Variants in CEP128 observed in about 807,000 individuals in gnomAD.
CEP128 encodes the protein centrosomal protein 128.
CEP128 carries 132 observed loss-of-function variants against 156.7 expected under a neutral mutation model. The observed-to-expected ratio is 0.84, with a 90% CI of 0.73 to 0.97. The LOEUF (loss-of-function observed/expected upper bound fraction) is 0.97. Ranked by LOEUF, CEP128 falls within the 50% of genes least tolerant of loss-of-function variation. The probability of loss-of-function intolerance (pLI) is 0.00; values close to 1 mark genes in which losing one functional copy is unlikely to be tolerated. For missense variants in CEP128, 1,252 were observed against 1,281.9 expected (o/e 0.98, Z 0.36); for synonymous variants, 469 against 448.9 (o/e 1.04, Z -0.57).
chr14:80,631,708 A>G (rs1473742539), intron 19 of CEP128, among the ~76,000 whole-genome samples: 1 of 152,112 alleles, frequency 6.6e-6, no homozygotes, highest in Non-Finnish European at 1.5e-5. Context: ...TTCATGTAAT[A>G]CAATTCAATT....
intron 2 of CEP128, among the ~76,000 whole-genome samples, chr14:80,937,292 G>C (rs542405686): frequency 6.6e-6 from 1 of 152,328 alleles, no homozygotes; most frequent in East Asian, 1.9e-4. Context: ...CTGCACTTCA[G>C]CCTGGGTGAC....
chr14:80,547,197 G>A (rs1044328788), intron 21 of CEP128, among the ~76,000 whole-genome samples: 3 of 152,148 alleles, frequency 2.0e-5, no homozygotes, highest in African/African-American at 7.2e-5. Flanking sequence ...CTAGATCAAA[G>A]TTGTTGTATG....
chr14:80,640,323 A>G (rs1355482545), intron 19 of CEP128, among the ~76,000 whole-genome samples: 1 of 152,202 alleles, frequency 6.6e-6, no homozygotes, highest in African/African-American at 2.4e-5. Flanking sequence ...AAAGTTCATG[A>G]TCTATTAATA....
intron 9 of CEP128, among the ~76,000 whole-genome samples, chr14:80,856,682 T>C (rs1019366608): frequency 2.7e-5 from 4 of 149,388 alleles, no homozygotes; most frequent in Admixed American, 2.0e-4. Context: ...TGTGTGCGTG[T>C]GTGTGTGTGT....
intron 20 of CEP128, among the ~76,000 whole-genome samples, chr14:80,571,985 TA>T (rs763826692): frequency 1.3e-5 from 2 of 152,204 alleles, no homozygotes; most frequent in African/African-American, 2.4e-5. Flanking sequence ...TTGCGAGTAA[TA>T]ATTTACATAG....
intron 2 of CEP128, among the ~76,000 whole-genome samples, chr14:80,922,003 T>A (rs1018038159): frequency 1.3e-5 from 2 of 150,704 alleles, no homozygotes; most frequent in Non-Finnish European, 2.9e-5. Flanking sequence ...TTTTCTACAA[T>A]GATTTGCATT....
chr14:80,623,767 CAGA>C (rs1893591867), intron 19 of CEP128, among the ~76,000 whole-genome samples: 1 of 151,670 alleles, frequency 6.6e-6, no homozygotes, highest in South Asian at 2.1e-4. Context: ...CATTTCCTTC[CAGA>C]AGTAGATTTT....
At chr14:80,916,189 A>G (rs12896436) in intron 3 of CEP128, among the ~76,000 whole-genome samples, 21,038 of 152,216 alleles carry the variant, frequency 0.14, 1,800 homozygotes, top group Admixed American at 0.21. Context: ...GAGCCTCCAG[A>G]GAGGAACACA....
Position 80,836,060 on chromosome 14 carries a change from A to C in CEP128, c.1057+145T>G, listed in dbSNP as rs1353422144. Reference sequence around the variant, plus strand: ...GATGATGCTGAATTATTATCAACTTATCAGAAAATGTTTAATAGATCAAGA... The same window carrying C: ...GATGATGCTGAATTATTATCAACTTCTCAGAAAATGTTTAATAGATCAAGA... On this transcript the variant is annotated intron_variant, in intron 12 of 24. Coordinates refer to ENST00000555265, the MANE Select transcript of CEP128 (RefSeq NM_152446.5). 3 of 792,254 alleles carry C rather than the reference A, an allele frequency of 3.8e-6. No individual in the cohort carries two copies. In the African/African-American group the frequency reaches 5.3e-5, roughly 14 times the overall value. 49.1% of individuals were successfully genotyped at this position (792,254 alleles called of 1,614,324 possible).
chr14:80,943,797 C>A (rs1886259767), upstream of CEP128, among the ~76,000 whole-genome samples: 1 of 151,966 alleles, frequency 6.6e-6, no homozygotes, highest in South Asian at 2.1e-4. Context: ...AGTTCGAGAC[C>A]AGCCTGGCCA....
intron 14 of CEP128, among the ~76,000 whole-genome samples, chr14:80,481,515 A>G (rs1460640541): frequency 6.6e-6 from 1 of 152,230 alleles, no homozygotes; most frequent in Non-Finnish European, 1.5e-5. Flanking sequence ...GGTCTCTCTT[A>G]GCATTAGCTT....
chr14:80,840,390 C>A (rs1886293546), intron 10 of CEP128, among the ~76,000 whole-genome samples: 1 of 152,006 alleles, frequency 6.6e-6, no homozygotes, highest in African/African-American at 2.4e-5. Context: ...TCTTTTCTAA[C>A]CCTGCAACAA....
chr14:80,482,759 G>T (rs1469820853), intron 14 of CEP128, among the ~76,000 whole-genome samples: 1 of 152,172 alleles, frequency 6.6e-6, no homozygotes, highest in Non-Finnish European at 1.5e-5. Flanking sequence ...GTTGTGAATT[G>T]CAAAGGCAAT....
At chr14:80,850,606 C>G (rs905835021) in intron 9 of CEP128, among the ~76,000 whole-genome samples, 3 of 152,170 alleles carry the variant, frequency 2.0e-5, no homozygotes, top group Non-Finnish European at 4.4e-5. Context: ...CCATTATTTG[C>G]AGTATCCCAA....
intron 19 of CEP128, among the ~76,000 whole-genome samples, chr14:80,695,491 G>A (rs553371911): frequency 9.2e-5 from 14 of 152,150 alleles, no homozygotes; most frequent in Non-Finnish European, 1.5e-4. Context: ...CAAGGCAGGC[G>A]GATCACTTGA....
intron 19 of CEP128, among the ~76,000 whole-genome samples, chr14:80,660,618 G>A (rs1895358872): frequency 1.3e-5 from 2 of 152,094 alleles, no homozygotes; most frequent in Non-Finnish European, 2.9e-5. Flanking sequence ...AAGCTTCAAT[G>A]ACAACATTGA....
At chr14:80,703,434 T>C (rs556647837) in intron 19 of CEP128, among the ~76,000 whole-genome samples, 6 of 152,028 alleles carry the variant, frequency 3.9e-5, no homozygotes, top group East Asian at 1.9e-4. Context: ...TAAAACAATA[T>C]GTTTTTAAGA....
At chr14:80,915,036 TTTAC>T (rs543579354) in intron 3 of CEP128, among the ~76,000 whole-genome samples, 69 of 152,256 alleles carry the variant, frequency 4.5e-4, no homozygotes, top group African/African-American at 1.6e-3. Flanking sequence ...TTACTTACAT[TTTAC>T]TTACTTTACT....
chr14:80,603,403 A>C (rs1173341843), intron 19 of CEP128, among the ~76,000 whole-genome samples: 2 of 152,170 alleles, frequency 1.3e-5, no homozygotes, highest in Admixed American at 1.3e-4. Flanking sequence ...GCTGATAAAA[A>C]ATGTTCTGGA....
Sources: allele counts gnomAD v4.1 joint callset (sites outside exome capture counted in the v4.1 genomes callset), GRCh38; gene constraint gnomAD v4.1.1; transcripts MANE v1.5; gene names NCBI Gene and HGNC (gene_info 2026-07-23, HGNC 2026-07-21).